Variants in MYLK3 observed in about 807,000 individuals in gnomAD.
The protein encoded by MYLK3 is MLC kinase.
MYLK3 carries 55 observed loss-of-function variants against 76.3 expected under a neutral mutation model. The ratio of observed to expected loss-of-function variants is 0.72; its 90% confidence interval spans 0.58 to 0.90. MYLK3 has a LOEUF of 0.90. Among genes scored for constraint, MYLK3 ranks in the 40% least tolerant of loss-of-function variants. The probability of loss-of-function intolerance (pLI) is 0.00; values close to 1 mark genes in which losing one functional copy is unlikely to be tolerated. For missense variants in MYLK3, 973 were observed against 1,053.6 expected (o/e 0.92, Z 1.06); for synonymous variants, 416 against 425.4 (o/e 0.98, Z 0.27).
intron 3 of MYLK3, 25 bp downstream of exon 3, chr16:46,737,686 C>T: frequency 6.4e-7 from 1 of 1,571,134 alleles, no homozygotes; most frequent in Non-Finnish European, 8.7e-7. Flanking sequence ...CCCTCCCTCA[C>T]CCAGCCTGGA....
Position 46,715,301 on chromosome 16 carries a change from A to C in MYLK3, c.1986-2525T>G, listed in dbSNP as rs559527553. ...GTTGCATCCAGCATACCACTCCCCC[A>C]GCTAAATCACAAATGTGTGGATGGG... On this transcript the variant is annotated intron_variant, in intron 9 of 12. Transcript: ENST00000394809. Among the ~76,000 whole-genome samples, 19 of 152,314 alleles carry C rather than the reference A, an allele frequency of 1.2e-4. No homozygotes were observed. In the East Asian group the frequency reaches 2.9e-3, roughly 23 times the overall value.
intron 8 of MYLK3, chr16:46,726,740 A>AAGAG (rs1221089695): frequency 7.0e-6 from 1 of 143,640 alleles, no homozygotes; most frequent in South Asian, 2.4e-4. Context: ...AAAGAAAAGA[A>AAGAG]AGAGAGAGAG....
chr16:46,730,792 A>G, intron 4 of MYLK3, 94 bp from the exon 5 acceptor site: 1 of 1,042,792 alleles, frequency 9.6e-7, no homozygotes, highest in African/African-American at 1.6e-5. Flanking sequence ...CTCTTGGTCC[A>G]CCAGGCCCTA....
At chr16:46,720,400 G>A (rs252726) in intron 9 of MYLK3, among the ~76,000 whole-genome samples, 149,871 of 152,126 alleles carry the variant, frequency 0.99, 73,852 homozygotes, top group East Asian at 1. Flanking sequence ...AGGTCTTGCT[G>A]TGTTGCCCAG....
Position 46,705,913 on chromosome 16 carries a change from G to A in MYLK3, c.*1791C>T, listed in dbSNP as rs546129289. On this transcript the variant is annotated 3_prime_UTR_variant, in exon 13 of 13. Coordinates refer to ENST00000394809, the MANE Select transcript of MYLK3 (RefSeq NM_182493.3). ...CTGAGCCCAGGAGGCGGAGGCTACA[G>A]TGAGCCAAGATCACACCACTGCACT... 1.3e-5 allele frequency: 2 copies of A among 152,232 alleles called. No individual in the cohort carries two copies. The highest frequency in any genetic ancestry group is 3.9e-4 in the East Asian group (2 of 5,186). 9.4% of individuals were successfully genotyped at this position (152,232 alleles called of 1,614,324 possible).
At chr16:46,729,816 G>C in intron 5 of MYLK3, 129 bp from the exon 6 acceptor site, 1 of 761,552 alleles carries the variant, frequency 1.3e-6, no homozygotes, top group Non-Finnish European at 2.2e-6. Context: ...AGTGCAGCCT[G>C]TCATCACCCC....
At chr16:46,709,962 G>A (rs188863523) in intron 11 of MYLK3, among the ~76,000 whole-genome samples, 3 of 152,326 alleles carry the variant, frequency 2.0e-5, no homozygotes, top group African/African-American at 7.2e-5. Context: ...GCAGTAGGAA[G>A]GCTAGCTATG....
chr16:46,749,585 G>C (rs996647452), upstream of MYLK3, among the ~76,000 whole-genome samples: 5 of 152,212 alleles, frequency 3.3e-5, no homozygotes, highest in African/African-American at 1.2e-4. Context: ...GGCGAGACCT[G>C]GTCTCTACAA....
At chr16:46,725,323 C>T (rs1966838783) in intron 8 of MYLK3, among the ~76,000 whole-genome samples, 1 of 152,124 alleles carries the variant, frequency 6.6e-6, no homozygotes, top group Admixed American at 6.6e-5. Flanking sequence ...ATGTTTAATA[C>T]AAGTTGCAAG....
intron 3 of MYLK3, among the ~76,000 whole-genome samples, chr16:46,736,842 A>G (rs1427067259): frequency 6.6e-6 from 1 of 152,090 alleles, no homozygotes; most frequent in Non-Finnish European, 1.5e-5. Flanking sequence ...AGCGCCCTTC[A>G]GCAGGGCTGC....
intron 9 of MYLK3, among the ~76,000 whole-genome samples, chr16:46,713,254 G>A (rs1966703504): frequency 6.8e-6 from 1 of 146,960 alleles, no homozygotes; most frequent in African/African-American, 2.5e-5. Context: ...CTGGAGTGCA[G>A]TGATAAGATC....
At chr16:46,751,878 G>A (rs112717157), upstream of MYLK3, among the ~76,000 whole-genome samples, 6,092 of 152,202 alleles carry the variant, frequency 0.04, 130 homozygotes, top group African/African-American at 0.057. Context: ...GATTTCCTGC[G>A]GGGATGCTTC....
intron 2 of MYLK3, 128 bp from the exon 3 acceptor site, chr16:46,738,271 C>T: frequency 1.2e-6 from 1 of 814,908 alleles, no homozygotes; most frequent in Non-Finnish European, 1.8e-6. Flanking sequence ...GGAAGCAACC[C>T]AAATGAAAGG....
intron 1 of MYLK3, among the ~76,000 whole-genome samples, chr16:46,744,805 G>A (rs1966995406): frequency 6.6e-6 from 1 of 152,078 alleles, no homozygotes; most frequent in Non-Finnish European, 1.5e-5. Flanking sequence ...TTCAAGACCA[G>A]CCTGGGCAAT....
At chr16:46,732,752 G>T in intron 3 of MYLK3, 84 bp from the exon 4 acceptor site, 1 of 1,127,638 alleles carries the variant, frequency 8.9e-7, no homozygotes, top group Non-Finnish European at 1.2e-6. Flanking sequence ...GCCCACTGCT[G>T]CCATCATTGA....
chr16:46,723,849 A>G lies in MYLK3; in HGVS notation c.1915-2656T>C, dbSNP rs150682868. On this transcript the variant is annotated intron_variant, in intron 8 of 12. Transcript: ENST00000394809. Reference sequence around the variant, plus strand: ...TTTTTAGTAGATATGGGGCTTCTCCATGTTGGTCAGGCTGGGCTCAAATTC... The same window carrying G: ...TTTTTAGTAGATATGGGGCTTCTCCGTGTTGGTCAGGCTGGGCTCAAATTC... Among the ~76,000 whole-genome samples, 465 of 152,238 alleles carry G rather than the reference A, an allele frequency of 3.1e-3. 2 individuals carry two copies. Among genetic ancestry groups the G allele is most frequent in the African/African-American group, 0.011 (440 of 41,560 alleles).
chr16:46,705,121 C>T lies in MYLK3; in HGVS notation c.*2583G>A, dbSNP rs1966611781. On this transcript the variant is annotated 3_prime_UTR_variant, in exon 13 of 13. Coordinates refer to ENST00000394809, the MANE Select transcript of MYLK3 (RefSeq NM_182493.3). ...CTGCAGCAGCAGGATAACCTCTCCA[C>T]CTGCCTACCTCTCTGTCAAAAAGCA... 1 of 152,240 alleles carries T rather than the reference C, an allele frequency of 6.6e-6. No homozygotes were observed. Among genetic ancestry groups the T allele is most frequent in the Admixed American group, 6.5e-5 (1 of 15,276 alleles). The allele number at this position is 152,240 out of a possible 1,614,324, so 9.4% of individuals were successfully genotyped here.
Position 46,709,563 on chromosome 16 carries a change from T to C in MYLK3, c.2376A>G (p.Lys792=), listed in dbSNP as rs756227417. The C allele has an allele frequency of 6.2e-7, 1 of 1,614,162 alleles. No homozygotes were observed. The highest frequency in any genetic ancestry group is 8.5e-7 in the Non-Finnish European group (1 of 1,180,028). The change falls in exon 12 of 13, where the codon AAA becomes AAG. Residue 792 remains lysine (K), a synonymous_variant. Coordinates refer to ENST00000394809, the MANE Select transcript of MYLK3 (RefSeq NM_182493.3). The stretch of plus-strand genomic sequence containing the variant: ...CCTTCCATTTTCTTTGAGCTATGTA[T>C]TTCTGCAGCAGTAGTTGGGATTTGA... The part of the protein sequence containing the change: ...TRLKSQLLLQ[K]YIAQRKWKKH...
chr16:46,715,656 A>T (rs1206700064), intron 9 of MYLK3, among the ~76,000 whole-genome samples: 1 of 152,082 alleles, frequency 6.6e-6, no homozygotes, highest in African/African-American at 2.4e-5. Context: ...TCCAGCCTTA[A>T]CCCTGGACAT....
Sources: allele counts gnomAD v4.1 joint callset (sites outside exome capture counted in the v4.1 genomes callset), GRCh38; gene constraint gnomAD v4.1.1; transcripts MANE v1.5; gene names NCBI Gene and HGNC (gene_info 2026-07-23, HGNC 2026-07-21).